The following ACYP1 variants were observed in gnomAD, a reference collection of about 807,000 sequenced individuals.
The protein encoded by ACYP1 is acylphosphatase 1, also known as acylphosphatase-1.
ACYP1 carries 8 observed loss-of-function variants against 10.4 expected under a neutral mutation model. That is an observed-to-expected ratio of 0.77 (90% CI 0.45 to 1.38). The LOEUF (loss-of-function observed/expected upper bound fraction) is 1.38, where lower values mean the gene tolerates loss of function less well. Ranked by LOEUF, ACYP1 falls within the 40% of genes most tolerant of loss-of-function variation. The pLI, the probability that ACYP1 is intolerant of heterozygous loss-of-function variation, is 0.00. For synonymous variants in ACYP1, 38 were observed against 40.8 expected (o/e 0.93, Z 0.26); for missense variants, 93 against 117.3 (o/e 0.79, Z 0.96).
rs1469838381 is a variant in ACYP1 at position 75,069,204 on chromosome 14, C to T, written c.82+6G>A. The T allele has an allele frequency of 2.0e-6, 3 of 1,516,364 alleles. No homozygotes were observed. In the South Asian group the frequency reaches 3.6e-5, roughly 18 times the overall value. The allele number at this position is 1,516,364 out of a possible 1,614,324, so 93.9% of individuals were successfully genotyped here. A position where few individuals can be genotyped will look rare whatever the true frequency, so the allele number is the denominator to read the frequency against. On this transcript the variant is annotated splice_donor_region_variant and intron_variant, in intron 1 of 2. Coordinates refer to the ACYP1 transcript ENST00000555463. ...ACAAGCAAGGAGCGCGCGCGTGCAG[C>T]CATACCTGGGGCCCGCCCAGCGCAG...
rs1166163367 is a variant in ACYP1 at position 75,053,550 on chromosome 14, C to T, written c.194G>A (p.Trp65Ter). The change falls in exon 3 of 3, where the codon TGG (tryptophan) becomes TAG (stop). Residue 65 changes from tryptophan to a stop codon, truncating the protein, a stop_gained. Transcript: ENST00000238618. LOFTEE classifies it high-confidence loss of function. ...TTTAGGACTTCCTCTTGTTTCAAGCCATTCCTGCATATGACGCACCTTGGA... is the reference window on the plus strand; with the variant it reads ...TTTAGGACTTCCTCTTGTTTCAAGCTATTCCTGCATATGACGCACCTTGGA... ...PISKVRHMQE[W>*]LETRGSPKSH... The T allele has an allele frequency of 6.2e-7, 1 of 1,614,138 alleles. No individual in the cohort carries two copies. The highest frequency in any genetic ancestry group is 1.1e-5 in the South Asian group (1 of 91,082).
rs759131060 is a variant in ACYP1 at position 75,063,496 on chromosome 14, C to T, written c.58G>A (p.Gly20Arg). 6.2e-6 allele frequency: 10 copies of T among 1,613,866 alleles called. No individual in the cohort carries two copies. Among genetic ancestry groups the T allele is most frequent in the Admixed American group, 5.0e-5 (3 of 59,976 alleles). Residue 20 changes from glycine to arginine, a missense_variant, in exon 2 of 3, where the codon GGG becomes AGG. Coordinates refer to ENST00000238618, the MANE Select transcript of ACYP1 (RefSeq NM_001107.5). ...TGAGTATGCTTACGGAAAAACACCC[C>T]TTGCACCTTCCCAAAAATTTCATAA... Reference protein sequence around the residue: ...VDYEIFGKVQGVFFRKHTQAE... With the variant: ...VDYEIFGKVQRVFFRKHTQAE...
At chr14:75,067,582 A>T (rs941488889), upstream of ACYP1, among the ~76,000 whole-genome samples, 5 of 152,182 alleles carry the variant, frequency 3.3e-5, no homozygotes, top group Admixed American at 6.5e-5. Flanking sequence ...AGGAGAAATG[A>T]ATGGGACTGT....
chr14:75,062,479 GAATTTT>G (rs1191815951), intron 2 of ACYP1, among the ~76,000 whole-genome samples: 1 of 151,722 alleles, frequency 6.6e-6, no homozygotes, highest in Non-Finnish European at 1.5e-5. Flanking sequence ...GTTAGAATTT[GAATTTT>G]AAGTACCACA....
chr14:75,059,204 A>G (rs1344064203), intron 2 of ACYP1, among the ~76,000 whole-genome samples: 7 of 150,436 alleles, frequency 4.7e-5, no homozygotes, highest in Non-Finnish European at 1.0e-4. Context: ...AAAAAGGAAA[A>G]GAAAACATAG....
At chr14:75,062,745 A>C (rs1213482096) in intron 2 of ACYP1, among the ~76,000 whole-genome samples, 1 of 152,120 alleles carries the variant, frequency 6.6e-6, no homozygotes, top group Non-Finnish European at 1.5e-5. Flanking sequence ...GCAATAGCCA[A>C]TACCTACAGA....
chr14:75,057,793 G>A (rs1328553268), intron 2 of ACYP1, among the ~76,000 whole-genome samples: 1 of 149,028 alleles, frequency 6.7e-6, no homozygotes, highest in Non-Finnish European at 1.5e-5. Flanking sequence ...ACGGTGAAAC[G>A]CCGTCTATTA....
At chr14:75,063,410 C>T (rs779703973) in intron 2 of ACYP1, 60 bp downstream of exon 2, 2 of 1,400,500 alleles carry the variant, frequency 1.4e-6, no homozygotes, top group South Asian at 1.2e-5. Context: ...GTCAAGAACA[C>T]GTCCCTTGTT....
chr14:75,063,991 G>T lies in ACYP1; in HGVS notation c.-46C>A, dbSNP rs45444593. ...CCCCACCGGCTGCCAGGATCACTCC[G>T]GGACCACCACGCCAACGGCTCACCA... On this transcript the variant is annotated 5_prime_UTR_variant, in exon 1 of 3. Transcript: ENST00000238618. 2 of 992,820 alleles carry T rather than the reference G, an allele frequency of 2.0e-6. No individual in the cohort carries two copies. Among genetic ancestry groups the T allele is most frequent in the South Asian group, 4.5e-5 (1 of 22,358 alleles). 61.5% of individuals were successfully genotyped at this position (992,820 alleles called of 1,614,324 possible).
Position 75,063,972 on chromosome 14 carries a change from C to T in ACYP1, c.-27G>A. Reference sequence around the variant, plus strand: ...GGCTCACCCTCCTTGTCTTCCCCACCGGCTGCCAGGATCACTCCGGGACCA... The same window carrying T: ...GGCTCACCCTCCTTGTCTTCCCCACTGGCTGCCAGGATCACTCCGGGACCA... On this transcript the variant is annotated 5_prime_UTR_variant, in exon 1 of 3. Coordinates refer to ENST00000238618, the MANE Select transcript of ACYP1 (RefSeq NM_001107.5). 1.0e-6 allele frequency: 1 copy of T among 996,710 alleles called. No homozygotes were observed. The highest frequency in any genetic ancestry group is 1.2e-6 in the Non-Finnish European group (1 of 836,172). The allele number at this position is 996,710 out of a possible 1,614,324, so 61.7% of individuals were successfully genotyped here.
At chr14:75,054,247 A>T (rs1892821263) in intron 2 of ACYP1, among the ~76,000 whole-genome samples, 2 of 146,122 alleles carry the variant, frequency 1.4e-5, no homozygotes, top group African/African-American at 5.3e-5. Context: ...GCCAAAGCCC[A>T]CTTTATTATC....
At chr14:75,060,417 A>C (rs947359754) in intron 2 of ACYP1, among the ~76,000 whole-genome samples, 1 of 152,254 alleles carries the variant, frequency 6.6e-6, no homozygotes, top group Non-Finnish European at 1.5e-5. Context: ...TACTTTGGAA[A>C]AGTTTGGCAG....
chr14:75,063,415 C>T, intron 2 of ACYP1, 55 bp downstream of exon 2: 2 of 1,470,074 alleles, frequency 1.4e-6, no homozygotes, highest in South Asian at 1.1e-5. Flanking sequence ...GAACACGTCC[C>T]TTGTTCCTAT....
At chr14:75,066,949 G>C (rs1177251939), upstream of ACYP1, among the ~76,000 whole-genome samples, 3 of 152,198 alleles carry the variant, frequency 2.0e-5, no homozygotes, top group Non-Finnish European at 4.4e-5. Flanking sequence ...GAGCATGCAA[G>C]GGCACACTGG....
Position 75,063,991 on chromosome 14 carries a change from G to A in ACYP1, c.-46C>T, listed in dbSNP as rs45444593. The stretch of plus-strand genomic sequence containing the variant: ...CCCCACCGGCTGCCAGGATCACTCC[G>A]GGACCACCACGCCAACGGCTCACCA... On this transcript the variant is annotated 5_prime_UTR_variant, in exon 1 of 3. Coordinates refer to ENST00000238618, the MANE Select transcript of ACYP1 (RefSeq NM_001107.5). 5.3e-3 allele frequency: 5,275 copies of A among 992,936 alleles called. 38 individuals are homozygous for A. Among genetic ancestry groups the A allele is most frequent in the Middle Eastern group, 0.017 (33 of 1,924 alleles). 61.5% of individuals were successfully genotyped at this position (992,936 alleles called of 1,614,324 possible). A position where few individuals can be genotyped will look rare whatever the true frequency, so the allele number is the denominator to read the frequency against.
At chr14:75,066,296 T>C (rs576644400), upstream of ACYP1, among the ~76,000 whole-genome samples, 61 of 152,334 alleles carry the variant, frequency 4.0e-4, no homozygotes, top group African/African-American at 1.4e-3. Context: ...ATTTAATCAC[T>C]GCACAATGCA....
intron 2 of ACYP1, among the ~76,000 whole-genome samples, chr14:75,062,026 G>T (rs908310664): frequency 6.7e-6 from 1 of 148,222 alleles, no homozygotes; most frequent in South Asian, 2.1e-4. Flanking sequence ...GCTTGAACCC[G>T]GGAGGCGGAC....
In ACYP1 at chr14:75,053,357, G is replaced by A; in HGVS notation, c.*87C>T. 8.4e-7 allele frequency: 1 copy of A among 1,186,540 alleles called. No individual in the cohort carries two copies. The highest frequency in any genetic ancestry group is 1.2e-6 in the Non-Finnish European group (1 of 811,110). 73.5% of individuals were successfully genotyped at this position (1,186,540 alleles called of 1,614,324 possible). On this transcript the variant is annotated 3_prime_UTR_variant, in exon 3 of 3. Transcript: ENST00000238618. ...ACATTAAAATAACTTATTGACTAAT[G>A]CTAATATTAACACACAATAGTTCTA...
rs139203853 is a variant in ACYP1 at position 75,062,237 on chromosome 14, C to T, written c.84+1233G>A. Among the ~76,000 whole-genome samples the T allele has an allele frequency of 2.8e-4, 41 of 148,866 alleles. No homozygotes were observed. In the East Asian group the frequency reaches 7.7e-3, roughly 28 times the overall value. On this transcript the variant is annotated intron_variant, in intron 2 of 2. Coordinates refer to ENST00000238618, the MANE Select transcript of ACYP1 (RefSeq NM_001107.5). ...TCACTTGAGCCTGGGAGTTTGAGAC[C>T]AGCCTGGGCAACATAGCTCTCTGTT...
Sources: allele counts gnomAD v4.1 joint callset (sites outside exome capture counted in the v4.1 genomes callset), GRCh38; gene constraint gnomAD v4.1.1; transcripts MANE v1.5; gene names NCBI Gene and HGNC (gene_info 2026-07-23, HGNC 2026-07-21).